Variants in NRG1 observed in about 807,000 individuals in gnomAD.
NRG1 encodes neuregulin 1.
NRG1 carries 18 observed loss-of-function variants against 63.8 expected under a neutral mutation model. The observed-to-expected ratio is 0.28, with a 90% CI of 0.19 to 0.42. NRG1 has a LOEUF of 0.42. Ranked by LOEUF, NRG1 falls within the 10% of genes least tolerant of loss-of-function variation. The pLI is 1.00. For missense variants in NRG1, 762 were observed against 814.7 expected (o/e 0.94, Z 0.79); for synonymous variants, 302 against 301.3 (o/e 1.00, Z -0.02).
intron 1 of NRG1, among the ~76,000 whole-genome samples, chr8:32,047,055 C>T (rs1436923822): frequency 6.6e-6 from 1 of 151,922 alleles, no homozygotes; most frequent in Non-Finnish European, 1.5e-5. Context: ...TATTTTTTTG[C>T]CCAGCATTGT....
rs578097413 is a variant in NRG1, at chr8:32,739,959, T to C, written c.633-2716T>C. The stretch of plus-strand genomic sequence containing the variant: ...GCAGGATGGAATGATAATTACTGAA[T>C]ACATCATTAATTCTGGAAACACCTG... On this transcript the variant is annotated intron_variant, in intron 6 of 11. Coordinates refer to ENST00000356819, the Ensembl canonical transcript of NRG1. Among the ~76,000 whole-genome samples the C allele has an allele frequency of 2.6e-5, 4 of 152,278 alleles. No homozygotes were observed. In the East Asian group the frequency reaches 5.8e-4, roughly 22 times the overall value.
At chr8:32,317,936 G>T (rs1281851062) in intron 1 of NRG1, among the ~76,000 whole-genome samples, 1 of 152,058 alleles carries the variant, frequency 6.6e-6, no homozygotes, top group African/African-American at 2.4e-5. Context: ...ATGACGCCAG[G>T]GCTTAGGGAC....
intron 1 of NRG1, among the ~76,000 whole-genome samples, chr8:31,947,961 A>AAC (rs1554583467): frequency 1.3e-5 from 2 of 149,420 alleles, no homozygotes; most frequent in East Asian, 1.9e-4. Context: ...AAAAAAAAAA[A>AAC]AAAAAAAAAA....
upstream of NRG1, among the ~76,000 whole-genome samples, chr8:32,546,642 T>C (rs2129522302): frequency 6.6e-6 from 1 of 152,348 alleles, no homozygotes; most frequent in Non-Finnish European, 1.5e-5. Flanking sequence ...TTGCTGTCTT[T>C]ATAGCCCAGT....
At chr8:32,734,422 T>C (rs1333641874) in intron 6 of NRG1, among the ~76,000 whole-genome samples, 1 of 152,160 alleles carries the variant, frequency 6.6e-6, no homozygotes, top group Non-Finnish European at 1.5e-5. Flanking sequence ...GAACACACTT[T>C]TGTTGTATTT....
chr8:32,695,210 G>C (rs191579253), intron 5 of NRG1, among the ~76,000 whole-genome samples: 1 of 151,972 alleles, frequency 6.6e-6, no homozygotes, highest in Non-Finnish European at 1.5e-5. Flanking sequence ...GGATGGTGGC[G>C]CATATCTGTA....
At chr8:32,271,545 A>T (rs983224347) in intron 1 of NRG1, among the ~76,000 whole-genome samples, 1 of 152,090 alleles carries the variant, frequency 6.6e-6, no homozygotes, top group Non-Finnish European at 1.5e-5. Flanking sequence ...ATTGTGAGTC[A>T]TGCATTCCTT....
intron 1 of NRG1, among the ~76,000 whole-genome samples, chr8:31,954,362 GA>G (rs1251010326): frequency 6.6e-6 from 1 of 152,212 alleles, no homozygotes; most frequent in African/African-American, 2.4e-5. Context: ...GAGAGAGGTT[GA>G]AGAAAAGTTC....
chr8:32,160,979 A>C (rs958295706), intron 1 of NRG1, among the ~76,000 whole-genome samples: 1 of 152,170 alleles, frequency 6.6e-6, no homozygotes, highest in Non-Finnish European at 1.5e-5. Context: ...TTTCTTAATG[A>C]TGTTCCTGAC....
intron 1 of NRG1, among the ~76,000 whole-genome samples, chr8:31,802,956 C>G (rs1026764601): frequency 3.3e-5 from 5 of 152,108 alleles, no homozygotes; most frequent in Admixed American, 6.6e-5. Context: ...TCATCTGTAA[C>G]TGTCTTTGTT....
intron 1 of NRG1, among the ~76,000 whole-genome samples, chr8:32,221,796 T>C (rs1845839679): frequency 8.5e-6 from 1 of 117,258 alleles, no homozygotes; most frequent in Admixed American, 7.7e-5. Context: ...AAAAAAGTTG[T>C]ATTTTTTTTA....
chr8:32,097,050 A>G (rs986806865), intron 1 of NRG1, among the ~76,000 whole-genome samples: 1 of 152,140 alleles, frequency 6.6e-6, no homozygotes, highest in Non-Finnish European at 1.5e-5. Context: ...CTTTATCTTC[A>G]TAAGATTCAC....
At chr8:32,248,657 T>C (rs1350900019) in intron 1 of NRG1, among the ~76,000 whole-genome samples, 1 of 152,036 alleles carries the variant, frequency 6.6e-6, no homozygotes, top group Non-Finnish European at 1.5e-5. Context: ...TTAGTACCAT[T>C]GAAAGTTTGT....
At chr8:32,287,111 A>C (rs1239973611) in intron 1 of NRG1, 1 of 152,248 alleles carries the variant, frequency 6.6e-6, no homozygotes, top group Non-Finnish European at 1.5e-5. Context: ...GTATTTCTTC[A>C]TAACAACGCA....
At chr8:32,534,294 C>A (rs1304401575) in intron 1 of NRG1, among the ~76,000 whole-genome samples, 1 of 152,072 alleles carries the variant, frequency 6.6e-6, no homozygotes, top group African/African-American at 2.4e-5. Flanking sequence ...AGTCAAAGGT[C>A]AAGATAGCAA....
At chr8:31,801,663 T>C (rs1454505501) in intron 1 of NRG1, among the ~76,000 whole-genome samples, 1 of 152,200 alleles carries the variant, frequency 6.6e-6, no homozygotes, top group African/African-American at 2.4e-5. Flanking sequence ...GAGATGTAAG[T>C]TGTTATCACC....
chr8:32,060,433 T>C (rs1209380718), intron 1 of NRG1, among the ~76,000 whole-genome samples: 1 of 151,968 alleles, frequency 6.6e-6, no homozygotes, highest in African/African-American at 2.4e-5. Context: ...ATGTGAAAAT[T>C]GCTATTCCCA....
intron 1 of NRG1, among the ~76,000 whole-genome samples, chr8:31,723,493 G>T (rs895589188): frequency 6.6e-6 from 1 of 152,028 alleles, no homozygotes; most frequent in Admixed American, 6.6e-5. Flanking sequence ...ATGTTGTCCA[G>T]GCTGGAGTAT....
intron 11 of NRG1, among the ~76,000 whole-genome samples, chr8:32,761,769 G>A (rs972342553): frequency 2.6e-5 from 4 of 151,852 alleles, no homozygotes; most frequent in Non-Finnish European, 5.9e-5. Flanking sequence ...GGCTGGGCAC[G>A]GTGGCTCACG....
Sources: allele counts gnomAD v4.1 joint callset (sites outside exome capture counted in the v4.1 genomes callset), GRCh38; gene constraint gnomAD v4.1.1; transcripts MANE v1.5; gene names NCBI Gene and HGNC (gene_info 2026-07-23, HGNC 2026-07-21).